TRAF3IP1: variants seen among roughly 807,000 people sequenced by gnomAD.
The protein encoded by TRAF3IP1 is intraflagellar transport 54.
In TRAF3IP1, 53 loss-of-function variants were observed where a neutral mutation model predicts 89.9. The ratio of observed to expected loss-of-function variants is 0.59; its 90% CI spans 0.47 to 0.74. The LOEUF is 0.74. Among genes scored for constraint, TRAF3IP1 ranks in the 30% least tolerant of loss-of-function variants. The probability of loss-of-function intolerance (pLI) is 0.00; values close to 1 mark genes in which losing one functional copy is unlikely to be tolerated. For missense variants in TRAF3IP1, 806 were observed against 866.1 expected (o/e 0.93, Z 0.87); for synonymous variants, 311 against 322.1 (o/e 0.97, Z 0.37).
At chr2:238,340,254 T>C (rs927072394) in intron 8 of TRAF3IP1, among the ~76,000 whole-genome samples, 1 of 152,224 alleles carries the variant, frequency 6.6e-6, no homozygotes, top group Non-Finnish European at 1.5e-5. Context: ...ATTCAGAGTT[T>C]GCTGGCAGTT....
chr2:238,385,990 T>C (rs919497392), intron 15 of TRAF3IP1, among the ~76,000 whole-genome samples: 1 of 152,222 alleles, frequency 6.6e-6, no homozygotes, highest in African/African-American at 2.4e-5. Flanking sequence ...AATCTTGAAA[T>C]TTAAAACATT....
chr2:238,337,988 G>T (rs779192377), intron 7 of TRAF3IP1, among the ~76,000 whole-genome samples: 1 of 152,140 alleles, frequency 6.6e-6, no homozygotes, highest in East Asian at 1.9e-4. Flanking sequence ...GGACCTTTGC[G>T]CAGTAATTAG....
Position 238,320,873 on chromosome 2 carries a change from G to T in TRAF3IP1, c.123+88G>T, listed in dbSNP as rs1475513665. The T allele has an allele frequency of 9.7e-6, 11 of 1,135,664 alleles. No homozygotes were observed. The African/African-American group carries it at 1.5e-4, about 15-fold the overall frequency. The allele number at this position is 1,135,664 out of a possible 1,614,324, so 70.3% of individuals were successfully genotyped here. ...GGGCCCGGGCCGGGTGGCGCCGGGT[G>T]CGAGCCGGGCTCGGGCTCAGGTGCG... On this transcript the variant is annotated intron_variant, in intron 1 of 16. Transcript: ENST00000373327.
chr2:238,321,719 C>T (rs921195039), intron 1 of TRAF3IP1, among the ~76,000 whole-genome samples: 1 of 152,186 alleles, frequency 6.6e-6, no homozygotes, highest in South Asian at 2.1e-4. Flanking sequence ...CTGCAGCGGG[C>T]GCAGCACCCA....
intron 9 of TRAF3IP1, 113 bp downstream of exon 9, chr2:238,344,711 G>C (rs115488203): frequency 9.7e-5 from 84 of 868,114 alleles, no homozygotes; most frequent in Non-Finnish European, 1.4e-4. Context: ...GGGTCTGAAC[G>C]TGGCAAGTGA....
chr2:238,383,467 C>G (rs1404628819), intron 15 of TRAF3IP1, among the ~76,000 whole-genome samples: 1 of 152,200 alleles, frequency 6.6e-6, no homozygotes, highest in African/African-American at 2.4e-5. Context: ...GGTGAATGCT[C>G]ACTGTCCCAC....
At chr2:238,390,182 C>T (rs918206268) in intron 15 of TRAF3IP1, among the ~76,000 whole-genome samples, 2 of 152,152 alleles carry the variant, frequency 1.3e-5, no homozygotes, top group Non-Finnish European at 2.9e-5. Flanking sequence ...CGTGGGCTGC[C>T]ACCTCTCTGT....
intron 15 of TRAF3IP1, among the ~76,000 whole-genome samples, chr2:238,360,875 G>A (rs1041229543): frequency 2.6e-5 from 4 of 151,804 alleles, no homozygotes; most frequent in Admixed American, 6.6e-5. Context: ...GTGAGATTCC[G>A]TCTCAAAAAA....
intron 9 of TRAF3IP1, among the ~76,000 whole-genome samples, chr2:238,346,967 C>A (rs1698922444): frequency 6.6e-6 from 1 of 152,174 alleles, no homozygotes; most frequent in Non-Finnish European, 1.5e-5. Flanking sequence ...CTCTGTTGAG[C>A]TGGAAGATTT....
At chr2:238,347,638 A>AT (rs1292962350) in intron 10 of TRAF3IP1, among the ~76,000 whole-genome samples, 163 bp downstream of exon 10, 1 of 151,728 alleles carries the variant, frequency 6.6e-6, no homozygotes, top group African/African-American at 2.4e-5. Context: ...TTATTTATTT[A>AT]TTTTTTGAGA....
chr2:238,352,997 T>C, intron 13 of TRAF3IP1, 47 bp downstream of exon 13: 1 of 1,571,686 alleles, frequency 6.4e-7, no homozygotes, highest in Non-Finnish European at 8.7e-7. Flanking sequence ...TGTTTTACCT[T>C]CATTGAGATT....
Position 238,328,966 on chromosome 2 carries a change from GA to G in TRAF3IP1, c.540del (p.Asp181IlefsTer8). 4.5e-6 allele frequency: 7 copies of G among 1,554,750 alleles called. No homozygotes were observed. The highest frequency in any genetic ancestry group is 6.1e-6 in the Non-Finnish European group (7 of 1,149,570). ...DAEIKERSTS[R>X]DRKQKEELKE... ...GAAATAAAAGAGAGAAGTACAAGCA[GA>G]GATCGAAAACAGAAGGAAGAATTGA... is the stretch of plus-strand genomic sequence containing the variant. On this transcript the variant is annotated frameshift_variant, in exon 5 of 17. Transcript: ENST00000373327. LOFTEE classifies it high-confidence loss of function.
At chr2:238,334,210 C>T (rs1162471967) in intron 7 of TRAF3IP1, among the ~76,000 whole-genome samples, 175 bp downstream of exon 7, 11 of 151,994 alleles carry the variant, frequency 7.2e-5, no homozygotes, top group African/African-American at 1.2e-4. Context: ...CATACACATG[C>T]GTGTGTGCAC....
At chr2:238,358,460 C>G (rs1353208470) in intron 15 of TRAF3IP1, among the ~76,000 whole-genome samples, 1 of 152,144 alleles carries the variant, frequency 6.6e-6, no homozygotes, top group Non-Finnish European at 1.5e-5. Flanking sequence ...CGCTTGAGCC[C>G]AGGAAGCAGA....
At chr2:238,393,814 T>A (rs1032273531) in intron 15 of TRAF3IP1, among the ~76,000 whole-genome samples, 2 of 152,246 alleles carry the variant, frequency 1.3e-5, no homozygotes, top group Non-Finnish European at 2.9e-5. Flanking sequence ...TATGGACATA[T>A]TCGTATGGAT....
intron 10 of TRAF3IP1, among the ~76,000 whole-genome samples, chr2:238,348,204 CA>C (rs998918832): frequency 1.0e-3 from 144 of 137,964 alleles, no homozygotes; most frequent in African/African-American, 2.6e-3. Flanking sequence ...TTTAAAAATG[CA>C]AAAAAAAAAG....
intron 7 of TRAF3IP1, among the ~76,000 whole-genome samples, chr2:238,335,747 G>C (rs1000711702): frequency 6.0e-5 from 9 of 149,084 alleles, no homozygotes; most frequent in African/African-American, 2.2e-4. Flanking sequence ...GTGGTTGCTC[G>C]CTGGTTTATT....
In TRAF3IP1 at chr2:238,345,919, G is replaced by T. The variant is rs1247550759; in HGVS notation, c.1261+1321G>T. Among the ~76,000 whole-genome samples, 1 of 152,148 alleles carries T rather than the reference G, an allele frequency of 6.6e-6. No individual in the cohort carries two copies. The highest frequency in any genetic ancestry group is 1.5e-5 in the Non-Finnish European group (1 of 68,032). Reference sequence around the variant, plus strand: ...ATGTGGCAGGTGCCTTGGGTTCTGGGTAACGGGGACTGGAAGTATCCATTG... The same window carrying T: ...ATGTGGCAGGTGCCTTGGGTTCTGGTTAACGGGGACTGGAAGTATCCATTG... On this transcript the variant is annotated intron_variant, in intron 9 of 16. Transcript: ENST00000373327. The surrounding 1 kb of genome is among the most constrained non-coding windows in gnomAD (Gnocchi z 4.7).
At chr2:238,383,375 T>C (rs1224019234) in intron 15 of TRAF3IP1, among the ~76,000 whole-genome samples, 3 of 152,204 alleles carry the variant, frequency 2.0e-5, no homozygotes, top group South Asian at 4.1e-4. Flanking sequence ...TGGCTGCACA[T>C]AGTGGTGCTG....
Sources: gnomAD v4.1 joint callset for allele counts (sites outside exome capture counted in the v4.1 genomes callset) on GRCh38, gnomAD v4.1.1 for gene constraint, Gnocchi (gnomAD v3.1) non-coding constraint, MANE v1.5 for transcripts, NCBI Gene and HGNC (gene_info 2026-07-23, HGNC 2026-07-21) for gene names.